Variants in MCTP1 observed in about 807,000 individuals in gnomAD.
MCTP1 encodes the protein multiple C2 and transmembrane domain containing 1, also known as multiple C2 and transmembrane domain-containing protein 1.
Under a neutral mutation model 120.6 loss-of-function variants are expected in MCTP1, and 69 were observed. The ratio of observed to expected loss-of-function variants is 0.57; its 90% CI spans 0.47 to 0.70. The LOEUF is 0.70. Ranked by LOEUF, MCTP1 falls within the 30% of genes least tolerant of loss-of-function variation. The pLI is 0.00. For missense variants in MCTP1, 1,203 were observed against 1,248.8 expected, an observed-to-expected ratio of 0.96 and a Z score of 0.55; for synonymous variants, 529 against 493.1, an observed-to-expected ratio of 1.07 and a Z score of -0.96.
At chr5:94,869,754 T>C (rs1797488273) in intron 16 of MCTP1, among the ~76,000 whole-genome samples, 1 of 152,068 alleles carries the variant, frequency 6.6e-6, no homozygotes, top group Non-Finnish European at 1.5e-5. Flanking sequence ...AAAGGGGTGG[T>C]TTAGCACTTT....
chr5:95,005,770 A>AT (rs70978157), intron 2 of MCTP1, among the ~76,000 whole-genome samples: 113 of 64,918 alleles, frequency 1.7e-3, no homozygotes, highest in African/African-American at 5.3e-3. Flanking sequence ...TTCTTTCTTT[A>AT]TTTTTTTTTT....
intron 1 of MCTP1, among the ~76,000 whole-genome samples, chr5:95,018,255 A>T (rs551742293): frequency 1.9e-4 from 29 of 152,200 alleles, no homozygotes; most frequent in Non-Finnish European, 3.2e-4. Flanking sequence ...CATATTTTGT[A>T]GTCTCTGCCA....
chr5:94,929,349 C>T (rs925354340), intron 6 of MCTP1, among the ~76,000 whole-genome samples: 4 of 152,068 alleles, frequency 2.6e-5, no homozygotes, highest in East Asian at 3.9e-4. Flanking sequence ...CATGAAGATG[C>T]GGGAGACCTC....
At chr5:95,169,677 T>A (rs1213963244) in intron 1 of MCTP1, among the ~76,000 whole-genome samples, 4 of 152,226 alleles carry the variant, frequency 2.6e-5, no homozygotes, top group Non-Finnish European at 4.4e-5. Context: ...TCGAGTTTAT[T>A]TGAGTAGTGG....
rs1180395195 is a variant in MCTP1, at chr5:95,132,551, C to T, written c.721-115067G>A. ...TGTGCGGAAGGCCGGATGGCTGCAG[C>T]TTCATCTCAGGCGCAGTTGCCTTCT... is the stretch of plus-strand genomic sequence containing the variant. On this transcript the variant is annotated intron_variant, in intron 1 of 22. Transcript: ENST00000515393. Among the ~76,000 whole-genome samples, 6 of 152,338 alleles carry T rather than the reference C, an allele frequency of 3.9e-5. No individual in the cohort carries two copies. The East Asian group carries it at 5.8e-4, about 15-fold the overall frequency.
intron 17 of MCTP1, among the ~76,000 whole-genome samples, chr5:94,861,499 C>G (rs891199167): frequency 6.6e-6 from 1 of 151,796 alleles, no homozygotes; most frequent in African/African-American, 2.4e-5. Context: ...ATGACTGAAT[C>G]TCTGTTATAA....
At chr5:94,792,514 G>C (rs1201178492) in intron 18 of MCTP1, 1 of 152,320 alleles carries the variant, frequency 6.6e-6, no homozygotes, top group East Asian at 1.9e-4. Flanking sequence ...GCTAGCTTTT[G>C]CAAGTGGCTT....
At chr5:94,900,828 A>T (rs937845218) in intron 10 of MCTP1, among the ~76,000 whole-genome samples, 1 of 152,224 alleles carries the variant, frequency 6.6e-6, no homozygotes, top group African/African-American at 2.4e-5. Flanking sequence ...TTGAATGGAA[A>T]TTTTTAAAAA....
rs1366836258 is a variant in MCTP1 at position 94,774,015 on chromosome 5, C to T, written c.2610+5095G>A. ...CGAGGTCAGGAGATCGAGACCATCC[C>T]GGCTAAAATGGTGAAACCCCGTCTC... On this transcript the variant is annotated intron_variant, in intron 19 of 22. Transcript: ENST00000515393. 2.1e-4 allele frequency among the ~76,000 whole-genome samples: 9 copies of T among 42,090 alleles called. 1 individual carries two copies. Among genetic ancestry groups the T allele is most frequent in the African/African-American group, 5.0e-4 (4 of 8,020 alleles). 27.6% of individuals were successfully genotyped at this position (42,090 alleles called of 152,430 possible).
At chr5:95,048,080 T>C (rs1423962126) in intron 1 of MCTP1, among the ~76,000 whole-genome samples, 2 of 152,212 alleles carry the variant, frequency 1.3e-5, no homozygotes, top group African/African-American at 4.8e-5. Context: ...ACAAACTGAC[T>C]AACGTAACTG....
At chr5:94,901,854 G>T (rs528670626) in intron 10 of MCTP1, among the ~76,000 whole-genome samples, 2 of 152,216 alleles carry the variant, frequency 1.3e-5, no homozygotes, top group African/African-American at 2.4e-5. Context: ...TCCCGTGGGG[G>T]TACAGAAAGT....
At chr5:94,873,359 C>T (rs1798183749) in intron 12 of MCTP1, 118 bp from the exon 13 acceptor site, 1 of 526,632 alleles carries the variant, frequency 1.9e-6, no homozygotes, top group Non-Finnish European at 3.3e-6. Context: ...AAGTGAAGTA[C>T]AATTTTAAAA....
chr5:94,910,319 T>C (rs1305827796), intron 9 of MCTP1, among the ~76,000 whole-genome samples: 3 of 151,494 alleles, frequency 2.0e-5, no homozygotes, highest in Non-Finnish European at 3.0e-5. Context: ...TAACTTCAAG[T>C]ATTCAGATAA....
chr5:95,161,267 A>AG (rs1745709065), intron 1 of MCTP1, among the ~76,000 whole-genome samples: 1 of 152,192 alleles, frequency 6.6e-6, no homozygotes, highest in Non-Finnish European at 1.5e-5. Context: ...GGCCTCATAA[A>AG]GGGGGGAAAT....
intron 10 of MCTP1, among the ~76,000 whole-genome samples, chr5:94,904,689 T>C (rs1806357667): frequency 6.6e-6 from 1 of 152,258 alleles, no homozygotes; most frequent in African/African-American, 2.4e-5. Flanking sequence ...TGAAACTTTC[T>C]TACCTTCAAC....
At chr5:94,822,638 G>A (rs1344245284) in intron 17 of MCTP1, among the ~76,000 whole-genome samples, 2 of 152,138 alleles carry the variant, frequency 1.3e-5, no homozygotes, top group African/African-American at 4.8e-5. Context: ...TCACCACACT[G>A]TCTTCCACAA....
chr5:95,131,846 A>G (rs753392747), intron 1 of MCTP1, among the ~76,000 whole-genome samples: 1 of 152,194 alleles, frequency 6.6e-6, no homozygotes, highest in Non-Finnish European at 1.5e-5. Flanking sequence ...TGATTTTTTA[A>G]AACATGCATT....
intron 1 of MCTP1, among the ~76,000 whole-genome samples, chr5:95,170,384 T>G (rs1005698432): frequency 6.6e-6 from 1 of 152,242 alleles, no homozygotes; most frequent in Non-Finnish European, 1.5e-5. Context: ...GAATGTATAT[T>G]CTGTTGATTT....
At chr5:95,137,150 GTGCTGTA>G (rs1759508790) in intron 1 of MCTP1, among the ~76,000 whole-genome samples, 1 of 152,190 alleles carries the variant, frequency 6.6e-6, no homozygotes, top group Non-Finnish European at 1.5e-5. Flanking sequence ...ATGAAATCTA[GTGCTGTA>G]TTTGTTGCTG....
Sources: gnomAD v4.1 joint callset for allele counts (sites outside exome capture counted in the v4.1 genomes callset) on GRCh38, gnomAD v4.1.1 for gene constraint, MANE v1.5 for transcripts, NCBI Gene and HGNC (gene_info 2026-07-23, HGNC 2026-07-21) for gene names.